SH3BP5: variants seen among roughly 807,000 people sequenced by gnomAD.
SH3BP5 encodes the protein SH3 domain binding protein 5.
SH3BP5 carries 22 observed loss-of-function variants against 43.3 expected under a neutral mutation model. That is an observed-to-expected ratio of 0.51 (90% CI 0.36 to 0.73). The LOEUF is 0.73. Among genes scored for constraint, SH3BP5 ranks in the 30% least tolerant of loss-of-function variants. The pLI is 0.00. For missense variants in SH3BP5, 529 were observed against 586.9 expected, an observed-to-expected ratio of 0.90 and a Z score of 1.02; for synonymous variants, 255 against 225.8, an observed-to-expected ratio of 1.13 and a Z score of -1.16.
intron 6 of SH3BP5, chr3:15,259,277 C>A (rs562375092): frequency 5.1e-5 from 30 of 592,830 alleles, no homozygotes; most frequent in African/African-American, 4.1e-4. Context: ...TATCCAAAAA[C>A]TCTCACTGGT....
At chr3:15,299,881 A>G (rs1697686705) in intron 3 of SH3BP5, among the ~76,000 whole-genome samples, 1 of 151,968 alleles carries the variant, frequency 6.6e-6, no homozygotes, top group Admixed American at 6.6e-5. Context: ...AAAAACCACC[A>G]CTATGCTATC....
intron 3 of SH3BP5, among the ~76,000 whole-genome samples, chr3:15,271,930 C>A (rs1054257956): frequency 6.6e-6 from 1 of 152,156 alleles, no homozygotes; most frequent in South Asian, 2.1e-4. Context: ...ACAAACCCGC[C>A]TCTGCAGCGT....
At chr3:15,294,045 T>C (rs1287202934) in intron 3 of SH3BP5, among the ~76,000 whole-genome samples, 1 of 130,508 alleles carries the variant, frequency 7.7e-6, no homozygotes, top group African/African-American at 3.0e-5. Context: ...GCCACTGCAC[T>C]CCAGCCTGGG....
At chr3:15,314,328 A>G (rs542770018) in intron 2 of SH3BP5, among the ~76,000 whole-genome samples, 2 of 151,656 alleles carry the variant, frequency 1.3e-5, no homozygotes, top group Admixed American at 6.6e-5. Context: ...GCTTTGAGAG[A>G]TCCTGCCATG....
intron 4 of SH3BP5, 128 bp downstream of exon 4, chr3:15,269,585 G>A: frequency 1.0e-6 from 1 of 1,003,076 alleles, no homozygotes. Context: ...ATACGGAGAT[G>A]ACAACCTGTG....
chr3:15,276,684 A>G (rs1416075132), intron 3 of SH3BP5, among the ~76,000 whole-genome samples: 5 of 152,194 alleles, frequency 3.3e-5, no homozygotes, highest in African/African-American at 1.2e-4. Context: ...GTCATACTCT[A>G]GCAGGTGGTA....
intron 3 of SH3BP5, among the ~76,000 whole-genome samples, chr3:15,295,895 G>A (rs892115007): frequency 8.5e-5 from 13 of 152,198 alleles, no homozygotes; most frequent in African/African-American, 3.1e-4. Context: ...CCAGAGTCAG[G>A]AGAACATTCA....
chr3:15,292,761 T>C lies in SH3BP5; in HGVS notation c.330+11342A>G, dbSNP rs538476613. On this transcript the variant is annotated intron_variant, in intron 3 of 8. Coordinates refer to ENST00000383791, the MANE Select transcript of SH3BP5 (RefSeq NM_004844.5). ...TACTCGGGAGGCTGAAGCAGGAGAA[T>C]TGCTTGAATCCGGGAGGCGGAGGTT... Among the ~76,000 whole-genome samples, 4 of 152,206 alleles carry C rather than the reference T, an allele frequency of 2.6e-5. No homozygotes were observed. In the South Asian group the frequency reaches 8.3e-4, roughly 32 times the overall value.
chr3:15,265,561 A>ACACACACACACACACACACACACACACAC (rs1553613901), intron 4 of SH3BP5, among the ~76,000 whole-genome samples: 6 of 44,504 alleles, frequency 1.3e-4, no homozygotes, highest in African/African-American at 6.1e-4. Flanking sequence ...CACACACACA[A>ACACACACACACACACACACACACACACAC]CCCTCCAGCT....
upstream of SH3BP5, among the ~76,000 whole-genome samples, chr3:15,336,503 T>G (rs1233558518): frequency 3.3e-5 from 5 of 152,156 alleles, no homozygotes; most frequent in Admixed American, 6.5e-5. Context: ...GATCAGCCTC[T>G]TCTGATTGCT....
intron 2 of SH3BP5, among the ~76,000 whole-genome samples, chr3:15,318,559 G>A (rs1309417161): frequency 1.6e-5 from 1 of 62,948 alleles, no homozygotes; most frequent in African/African-American, 4.6e-5. Flanking sequence ...GCTTTCCTAT[G>A]TTTTTGTTTT....
At chr3:15,269,195 C>T (rs1696726987) in intron 4 of SH3BP5, among the ~76,000 whole-genome samples, 1 of 152,146 alleles carries the variant, frequency 6.6e-6, no homozygotes, top group African/African-American at 2.4e-5. Context: ...ACACAGTCCG[C>T]TTCCTCTGTG....
At chr3:15,266,733 A>G (rs3773469) in intron 4 of SH3BP5, among the ~76,000 whole-genome samples, 31,869 of 152,246 alleles carry the variant, frequency 0.21, 4,208 homozygotes, top group East Asian at 0.52. Flanking sequence ...AGCACTAAGC[A>G]GAAAACTGAT....
intron 3 of SH3BP5, among the ~76,000 whole-genome samples, chr3:15,278,038 C>G (rs12330571): frequency 0.43 from 65,078 of 152,154 alleles, 16,566 homozygotes; most frequent in African/African-American, 0.72. Flanking sequence ...AATGACAGGT[C>G]GGCCAGCTTC....
At chr3:15,334,343 T>C (rs1698675578), upstream of SH3BP5, among the ~76,000 whole-genome samples, 1 of 152,132 alleles carries the variant, frequency 6.6e-6, no homozygotes, top group Non-Finnish European at 1.5e-5. Context: ...CAACCCTCCA[T>C]AGCCTCTCAG....
chr3:15,326,931 T>C (rs1698477119), intron 2 of SH3BP5, among the ~76,000 whole-genome samples: 2 of 152,158 alleles, frequency 1.3e-5, no homozygotes, highest in South Asian at 4.1e-4. Flanking sequence ...AAAGTGTCTT[T>C]TAATGGAAAC....
intron 3 of SH3BP5, among the ~76,000 whole-genome samples, chr3:15,284,801 A>G (rs1449923776): frequency 6.6e-6 from 1 of 152,188 alleles, no homozygotes; most frequent in Non-Finnish European, 1.5e-5. Context: ...AGAGCTTTCT[A>G]CTCTTGGCCT....
upstream of SH3BP5, among the ~76,000 whole-genome samples, chr3:15,334,132 C>T (rs891444375): frequency 1.6e-4 from 25 of 152,234 alleles, no homozygotes; most frequent in African/African-American, 5.3e-4. Context: ...AAATGGCAAA[C>T]TCCAAACTAC....
At chr3:15,325,012 A>G (rs114972041) in intron 2 of SH3BP5, among the ~76,000 whole-genome samples, 2,051 of 152,310 alleles carry the variant, frequency 0.013, 53 homozygotes, top group African/African-American at 0.045. Flanking sequence ...AGCAGAAACT[A>G]TTCCCACCTG....
Sources: allele counts gnomAD v4.1 joint callset (sites outside exome capture counted in the v4.1 genomes callset), GRCh38; gene constraint gnomAD v4.1.1; transcripts MANE v1.5; gene names NCBI Gene and HGNC (gene_info 2026-07-23, HGNC 2026-07-21).